Variants in PLCB1 observed in about 807,000 individuals in gnomAD.
PLCB1 encodes 1-phosphatidylinositol 4,5-bisphosphate phosphodiesterase beta-1.
A neutral mutation model predicts 161.8 loss-of-function variants in PLCB1; 46 were observed. That is an observed-to-expected ratio of 0.28 (90% confidence interval 0.22 to 0.36). The LOEUF (loss-of-function observed/expected upper bound fraction) is 0.36, where lower values mean the gene tolerates loss of function less well. Ranked by LOEUF, PLCB1 falls within the 10% of genes least tolerant of loss-of-function variation. The pLI is 1.00. For synonymous variants in PLCB1, 517 were observed against 503.7 expected, an observed-to-expected ratio of 1.03 and a Z score of -0.35; for missense variants, 1,016 against 1,472.5, an observed-to-expected ratio of 0.69 and a Z score of 5.07.
intron 2 of PLCB1, among the ~76,000 whole-genome samples, chr20:8,221,118 C>T (rs996958262): frequency 6.6e-6 from 1 of 152,102 alleles, no homozygotes; most frequent in African/African-American, 2.4e-5. Context: ...TGAATATATG[C>T]ATACATATAT....
At chr20:8,319,236 T>G (rs752161955) in intron 2 of PLCB1, among the ~76,000 whole-genome samples, 1 of 152,178 alleles carries the variant, frequency 6.6e-6, no homozygotes, top group Non-Finnish European at 1.5e-5. Context: ...CCAACCTCAG[T>G]GGCTTACGAT....
At position 8,134,486 on chromosome 20, in the gene PLCB1, G is replaced by A. The variant is rs146615856; in HGVS notation, c.99+1736G>A. On this transcript the variant is annotated intron_variant, in intron 1 of 31. Transcript: ENST00000338037. ...GAATAGCCAACATCACATTGAGAAT[G>A]AAAGTATTCTATGAAAACACATTTT... Among the ~76,000 whole-genome samples, 160 of 152,318 alleles carry A rather than the reference G, an allele frequency of 1.1e-3. 1 individual carries two copies. The East Asian group carries it at 0.025, about 24-fold the overall frequency.
At chr20:8,195,895 G>A (rs1341016674) in intron 2 of PLCB1, among the ~76,000 whole-genome samples, 4 of 152,072 alleles carry the variant, frequency 2.6e-5, no homozygotes, top group Admixed American at 2.6e-4. Flanking sequence ...ACCTGAGACT[G>A]GGTAATTTAT....
intron 3 of PLCB1, among the ~76,000 whole-genome samples, chr20:8,556,483 T>C (rs889330696): frequency 6.6e-6 from 1 of 152,064 alleles, no homozygotes; most frequent in Non-Finnish European, 1.5e-5. Context: ...TTGAAAAAGA[T>C]TCCTTATAAT....
At chr20:8,285,223 C>T (rs946647319) in intron 2 of PLCB1, among the ~76,000 whole-genome samples, 5 of 149,014 alleles carry the variant, frequency 3.4e-5, no homozygotes, top group Non-Finnish European at 5.9e-5. Flanking sequence ...TCCTTCTCTT[C>T]GTTTTGCTTT....
chr20:8,708,804 T>C (rs1978835465), intron 12 of PLCB1, 52 bp downstream of exon 12: 1 of 1,024,296 alleles, frequency 9.8e-7, no homozygotes, highest in South Asian at 1.3e-5. Flanking sequence ...TAGGGCATAC[T>C]GAGTAATTGT....
chr20:8,376,396 TG>T (rs1987080635), intron 3 of PLCB1, among the ~76,000 whole-genome samples: 1 of 152,212 alleles, frequency 6.6e-6, no homozygotes, highest in African/African-American at 2.4e-5. Context: ...TTTTAAAAAT[TG>T]ATTAGGCTTT....
intron 2 of PLCB1, among the ~76,000 whole-genome samples, chr20:8,220,529 A>G (rs1181809702): frequency 1.3e-5 from 2 of 152,230 alleles, no homozygotes; most frequent in African/African-American, 4.8e-5. Flanking sequence ...AGGAGATGAT[A>G]CATGGGGAGT....
intron 24 of PLCB1, among the ~76,000 whole-genome samples, chr20:8,758,446 G>T (rs1296141912): frequency 6.6e-6 from 1 of 151,976 alleles, no homozygotes; most frequent in Non-Finnish European, 1.5e-5. Context: ...GCCTGGCATG[G>T]TAGTGCATGC....
At chr20:8,818,363 C>A (rs1985174363) in intron 31 of PLCB1, among the ~76,000 whole-genome samples, 1 of 152,108 alleles carries the variant, frequency 6.6e-6, no homozygotes, top group Non-Finnish European at 1.5e-5. Context: ...TTCCCACCAG[C>A]AAATCTTCAC....
intron 31 of PLCB1, among the ~76,000 whole-genome samples, chr20:8,846,439 T>A (rs1423999258): frequency 6.6e-6 from 1 of 152,158 alleles, no homozygotes; most frequent in Non-Finnish European, 1.5e-5. Flanking sequence ...TACTCAGGGA[T>A]CCTCAAACTT....
chr20:8,155,075 C>T (rs868639274), intron 2 of PLCB1, among the ~76,000 whole-genome samples: 8 of 152,112 alleles, frequency 5.3e-5, no homozygotes, highest in Admixed American at 1.3e-4. Context: ...TCATATCACT[C>T]GTAGAGCTGA....
At chr20:8,586,706 TC>T (rs1389544982) in intron 3 of PLCB1, among the ~76,000 whole-genome samples, 2 of 152,230 alleles carry the variant, frequency 1.3e-5, no homozygotes, top group Non-Finnish European at 2.9e-5. Context: ...TTTCACATTT[TC>T]TGCAAAATCC....
chr20:8,204,510 A>G (rs2876123), intron 2 of PLCB1, among the ~76,000 whole-genome samples: 121,800 of 151,920 alleles, frequency 0.8, 49,078 homozygotes, highest in East Asian at 0.86. Flanking sequence ...CCTGGTGGAA[A>G]GTGTTTGGCT....
intron 31 of PLCB1, among the ~76,000 whole-genome samples, chr20:8,840,092 GT>G (rs1009377731): frequency 6.6e-6 from 1 of 150,814 alleles, no homozygotes; most frequent in Non-Finnish European, 1.5e-5. Context: ...TTTATATGTT[GT>G]TTTTTTCTCA....
chr20:8,386,097 C>T (rs1011074238), intron 3 of PLCB1, among the ~76,000 whole-genome samples: 2 of 152,198 alleles, frequency 1.3e-5, no homozygotes, highest in Non-Finnish European at 2.9e-5. Flanking sequence ...CAAAGTCGTC[C>T]ATGAGGATTG....
At chr20:8,854,786 C>T (rs1389483824) in intron 31 of PLCB1, among the ~76,000 whole-genome samples, 2 of 152,222 alleles carry the variant, frequency 1.3e-5, no homozygotes, top group Middle Eastern at 6.3e-3. Context: ...CAAGGAGCCT[C>T]CTGTGTATTT....
intron 2 of PLCB1, among the ~76,000 whole-genome samples, chr20:8,234,946 C>A (rs1980243983): frequency 6.6e-6 from 1 of 151,980 alleles, no homozygotes; most frequent in Non-Finnish European, 1.5e-5. Context: ...TTGTAAGAAT[C>A]CAATTTGAGG....
At position 8,657,257 on chromosome 20, in the gene PLCB1, C is replaced by G; in HGVS notation, c.668C>G (p.Pro223Arg). 6.2e-7 allele frequency: 1 copy of G among 1,603,596 alleles called. No homozygotes were observed. Among genetic ancestry groups the G allele is most frequent in the South Asian group, 1.1e-5 (1 of 90,900 alleles). ...RVFLNNLCPR[P>R]EIDNIFSEFG... is the part of the protein sequence containing the mutation. ...TTCCTCAACAACCTTTGCCCTCGACCTGAAATTGATAACATCTTTTCAGAA... is the reference window on the plus strand; with the variant it reads ...TTCCTCAACAACCTTTGCCCTCGACGTGAAATTGATAACATCTTTTCAGAA... The change falls in exon 8 of 32, where the codon CCT becomes CGT. Residue 223 changes from proline (P) to arginine (R), a missense_variant. Around this residue, in one of 10 missense-constraint regions of PLCB1, gnomAD observed 117 missense variants for 142.2 expected, o/e 0.82. Coordinates refer to ENST00000338037, the MANE Select transcript of PLCB1 (RefSeq NM_015192.4).
Sources: allele counts gnomAD v4.1 joint callset (sites outside exome capture counted in the v4.1 genomes callset), GRCh38; gene constraint gnomAD v4.1.1; regional missense constraint gnomAD v4.1.1; transcripts MANE v1.5; gene names NCBI Gene and HGNC (gene_info 2026-07-23, HGNC 2026-07-21).